HEPHL1: variants seen among roughly 807,000 people sequenced by gnomAD.
The protein encoded by HEPHL1 is ferroxidase HEPHL1.
Under a neutral mutation model 122.0 loss-of-function variants are expected in HEPHL1, and 123 were observed. The observed-to-expected ratio is 1.01, with a 90% CI of 0.87 to 1.17. HEPHL1 has a LOEUF of 1.17. HEPHL1 is among the 50% of genes most tolerant of loss of function. HEPHL1 has a pLI of 0.00. For missense variants in HEPHL1, 1,452 were observed against 1,430.5 expected (o/e 1.01, Z -0.24); for synonymous variants, 527 against 508.9 (o/e 1.04, Z -0.48).
At chr11:94,096,939 G>A (rs1046013842) in intron 13 of HEPHL1, among the ~76,000 whole-genome samples, 2 of 151,990 alleles carry the variant, frequency 1.3e-5, no homozygotes, top group African/African-American at 4.8e-5. Flanking sequence ...CTGGCAGTCT[G>A]TCAATTTTGT....
At chr11:94,089,024 T>C in intron 12 of HEPHL1, 56 bp downstream of exon 12, 1 of 1,490,608 alleles carries the variant, frequency 6.7e-7, no homozygotes, top group South Asian at 1.1e-5. Flanking sequence ...GCTCCGTAGG[T>C]CTTTAGTAAG....
intron 1 of HEPHL1, among the ~76,000 whole-genome samples, chr11:94,028,106 T>C (rs2134402967): frequency 6.6e-6 from 1 of 152,274 alleles, no homozygotes; most frequent in East Asian, 1.9e-4. Context: ...TTTATCTTCA[T>C]CTTATATTTC....
intron 15 of HEPHL1, 89 bp downstream of exon 15, chr11:94,103,109 A>G (rs2134452627): frequency 1.3e-6 from 1 of 757,216 alleles, no homozygotes; most frequent in Non-Finnish European, 2.4e-6. Context: ...GGTATATGTG[A>G]AAGCGTATAA....
At position 94,106,107 on chromosome 11, in the gene HEPHL1, C is replaced by A; in HGVS notation, c.3022C>A (p.His1008Asn). The A allele has an allele frequency of 6.3e-7, 1 of 1,576,650 alleles. No homozygotes were observed. Among genetic ancestry groups the A allele is most frequent in the South Asian group, 1.2e-5 (1 of 83,974 alleles). Residue 1008 changes from histidine to asparagine, a missense_variant, in exon 17 of 20, where the codon CAT becomes AAT. Transcript: ENST00000315765. Reference sequence around the variant, plus strand: ...AGTGGACATACATACCATCCATTATCATGCTGAGAGCTTTCTTTTCAAAGT... The same window carrying A: ...AGTGGACATACATACCATCCATTATAATGCTGAGAGCTTTCTTTTCAAAGT... The part of the protein sequence containing the change: ...SEVDIHTIHY[H>N]AESFLFKIDK...
rs58966846 is a variant in HEPHL1, at chr11:94,042,875, T to TAAAAAAAAAAAAAAAAAAAAA, written c.171-2780_171-2779insAAAAAAAAAAAAAAAAAAAAA. Among the ~76,000 whole-genome samples the TAAAAAAAAAAAAAAAAAAAAA allele has an allele frequency of 1.4e-3, 89 of 63,132 alleles. 6 individuals are homozygous for TAAAAAAAAAAAAAAAAAAAAA. The highest frequency in any genetic ancestry group is 5.8e-3 in the African/African-American group (86 of 14,858). 41.4% of individuals were successfully genotyped at this position (63,132 alleles called of 152,430 possible). ...ATGTACCCTAAAACTTAAAGTATAA[T>TAAAAAAAAAAAAAAAAAAAAA]AAAAAAAAAAAAAAAAAACTGCATG... On this transcript the variant is annotated intron_variant, in intron 1 of 19. Coordinates refer to ENST00000315765, the MANE Select transcript of HEPHL1 (RefSeq NM_001098672.2).
chr11:94,112,188 GA>G lies in HEPHL1; in HGVS notation c.*297del. 1 of 247,810 alleles carries G rather than the reference GA, an allele frequency of 4.0e-6. No homozygotes were observed. The highest frequency in any genetic ancestry group is 5.5e-5 in the Admixed American group (1 of 18,312). 15.4% of individuals were successfully genotyped at this position (247,810 alleles called of 1,614,324 possible). On this transcript the variant is annotated 3_prime_UTR_variant, in exon 20 of 20. Coordinates refer to ENST00000315765, the MANE Select transcript of HEPHL1 (RefSeq NM_001098672.2). ...GGATTCACTGAATAGGAGACACTCT[GA>G]AAGATATCTTTATATTCCATCTTTT...
intron 1 of HEPHL1, among the ~76,000 whole-genome samples, chr11:94,039,367 A>G (rs976305960): frequency 1.2e-4 from 18 of 152,214 alleles, no homozygotes; most frequent in Non-Finnish European, 1.8e-4. Flanking sequence ...TGCACCAAGC[A>G]GATCTAATTG....
intron 12 of HEPHL1, among the ~76,000 whole-genome samples, chr11:94,092,277 T>G (rs776890068): frequency 6.6e-6 from 1 of 152,254 alleles, no homozygotes; most frequent in Non-Finnish European, 1.5e-5. Flanking sequence ...GTACTATACA[T>G]GTAAGGTACG....
chr11:94,050,840 G>T (rs1945884133), intron 2 of HEPHL1, among the ~76,000 whole-genome samples: 1 of 151,806 alleles, frequency 6.6e-6, no homozygotes, highest in African/African-American at 2.4e-5. Context: ...CTGGCTTCTG[G>T]TATCCATCCT....
intron 9 of HEPHL1, among the ~76,000 whole-genome samples, chr11:94,078,446 C>CATATAGATATATATATATAT (rs1367101424): frequency 9.0e-6 from 1 of 111,480 alleles, no homozygotes; most frequent in East Asian, 2.5e-4. Flanking sequence ...TCAGATGTTC[C>CATATAGATATATATATATAT]ATATATATAT....
rs778138046 is a variant in HEPHL1, at chr11:94,093,620, A to G, written c.2414A>G (p.Glu805Gly). 1 of 1,613,472 alleles carries G rather than the reference A, an allele frequency of 6.2e-7. No individual in the cohort carries two copies. The highest frequency in any genetic ancestry group is 8.5e-7 in the Non-Finnish European group (1 of 1,179,758). Residue 805 changes from glutamate to glycine, a missense_variant, in exon 13 of 20, where the codon GAG (glutamate) becomes GGG (glycine). By Grantham distance (98) the Glu-to-Gly change is moderately conservative. Transcript: ENST00000315765. Reference sequence around the variant, plus strand: ...GAGATCAAAGCCCGACCACCACGAGAGGAGCACTTAGAACTCCTGGGTATG... The same window carrying G: ...GAGATCAAAGCCCGACCACCACGAGGGGAGCACTTAGAACTCCTGGGTATG... ...FVEIKARPPR[E>G]EHLELLGPMI... is the part of the protein sequence containing the mutation.
intron 19 of HEPHL1, 42 bp from the exon 20 acceptor site, chr11:94,111,650 C>G (rs1170961083): frequency 6.2e-7 from 1 of 1,609,888 alleles, no homozygotes; most frequent in African/African-American, 1.3e-5. Flanking sequence ...CATTTCACCC[C>G]TCAAAAATGT....
chr11:94,057,789 T>G (rs992091941), intron 2 of HEPHL1, among the ~76,000 whole-genome samples: 5 of 152,168 alleles, frequency 3.3e-5, no homozygotes, highest in African/African-American at 1.2e-4. Context: ...TAGTTTCCAC[T>G]GGCTGCCTTT....
At chr11:94,074,121 G>A (rs1202699054) in intron 8 of HEPHL1, among the ~76,000 whole-genome samples, 2 of 152,034 alleles carry the variant, frequency 1.3e-5, no homozygotes, top group Non-Finnish European at 2.9e-5. Context: ...CTTCACACTC[G>A]AGTGTGATGC....
At chr11:94,046,162 T>A (rs531191626) in intron 2 of HEPHL1, among the ~76,000 whole-genome samples, 1 of 134,676 alleles carries the variant, frequency 7.4e-6, no homozygotes, top group Admixed American at 8.6e-5. Flanking sequence ...TGGCATGATA[T>A]CAGCTCACTG....
At chr11:94,078,035 C>T (rs1280243333) in intron 9 of HEPHL1, among the ~76,000 whole-genome samples, 2 of 152,168 alleles carry the variant, frequency 1.3e-5, no homozygotes, top group African/African-American at 4.8e-5. Context: ...TATGTTTCCT[C>T]CTACAAGAAG....
At chr11:94,111,475 G>C in intron 18 of HEPHL1, 62 bp from the exon 19 acceptor site, 1 of 1,257,146 alleles carries the variant, frequency 8.0e-7, no homozygotes, top group Non-Finnish European at 1.1e-6. Context: ...GAAATGACTA[G>C]TGTCATGAAA....
chr11:94,085,598 A>G (rs1379675459), intron 10 of HEPHL1, among the ~76,000 whole-genome samples: 3 of 152,228 alleles, frequency 2.0e-5, no homozygotes, highest in Admixed American at 6.5e-5. Flanking sequence ...GAATTCAATG[A>G]ATTAATAACT....
At chr11:94,032,335 G>C (rs1239186510) in intron 1 of HEPHL1, among the ~76,000 whole-genome samples, 2 of 152,206 alleles carry the variant, frequency 1.3e-5, no homozygotes, top group African/African-American at 2.4e-5. Context: ...TTTGTTGCTG[G>C]TGGGTTTGAC....
Sources: gnomAD v4.1 joint callset for allele counts (sites outside exome capture counted in the v4.1 genomes callset) on GRCh38, gnomAD v4.1.1 for gene constraint, MANE v1.5 for transcripts, NCBI Gene and HGNC (gene_info 2026-07-23, HGNC 2026-07-21) for gene names.